PCLO: variants seen among roughly 807,000 people sequenced by gnomAD.
The protein encoded by PCLO is piccolo presynaptic cytomatrix protein.
A neutral mutation model predicts 427.5 loss-of-function variants in PCLO; 82 were observed. The ratio of observed to expected loss-of-function variants is 0.19; its 90% CI spans 0.16 to 0.23. The LOEUF (loss-of-function observed/expected upper bound fraction) is 0.23, where lower values mean the gene tolerates loss of function less well. PCLO is among the 10% of genes least tolerant of loss of function. PCLO has a pLI of 1.00. For synonymous variants in PCLO, 2,357 were observed against 2,155.4 expected, an observed-to-expected ratio of 1.09 and a Z score of -2.59; for missense variants, 6,239 against 6,115.9, an observed-to-expected ratio of 1.02 and a Z score of -0.67.
Position 82,755,228 on chromosome 7 carries a change from T to G in PCLO, c.*3347A>C, listed in dbSNP as rs569285138. ...GTGTGATCCACAAAATTAATTCCAC[T>G]GGTATGCTGAAAATATGCGTTTAAT... On this transcript the variant is annotated 3_prime_UTR_variant, in exon 25 of 25. Coordinates refer to ENST00000333891, the MANE Select transcript of PCLO (RefSeq NM_033026.6). 6.6e-6 allele frequency: 1 copy of G among 152,240 alleles called. No homozygotes were observed. Among genetic ancestry groups the G allele is most frequent in the South Asian group, 2.1e-4 (1 of 4,822 alleles). 9.4% of individuals were successfully genotyped at this position (152,240 alleles called of 1,614,324 possible).
intron 4 of PCLO, among the ~76,000 whole-genome samples, chr7:82,960,944 G>A (rs1000731645): frequency 6.6e-6 from 1 of 152,120 alleles, no homozygotes; most frequent in Non-Finnish European, 1.5e-5. Context: ...TGTGCAGTGG[G>A]TGAGGGCACA....
chr7:82,805,600 A>G (rs918414536), intron 21 of PCLO, 88 bp downstream of exon 21: 2 of 1,273,050 alleles, frequency 1.6e-6, no homozygotes, highest in Admixed American at 2.1e-5. Context: ...GAATTGGGTA[A>G]TTATCCAGTT....
At chr7:82,811,030 A>G (rs1791557870) in intron 20 of PCLO, among the ~76,000 whole-genome samples, 1 of 151,714 alleles carries the variant, frequency 6.6e-6, no homozygotes, top group African/African-American at 2.4e-5. Context: ...TTGGTTTTAT[A>G]TCTTTGGTCC....
chr7:82,869,016 A>G lies in PCLO; in HGVS notation c.13654+10321T>C, dbSNP rs957165480. On this transcript the variant is annotated intron_variant, in intron 10 of 24. Transcript: ENST00000333891. ...TTGCTGAAGTTTTAAAAGTATCACGATGGTAATGTATTTCACAATTATGTT... is the reference window on the plus strand; with the variant it reads ...TTGCTGAAGTTTTAAAAGTATCACGGTGGTAATGTATTTCACAATTATGTT... Among the ~76,000 whole-genome samples the G allele has an allele frequency of 2.6e-5, 4 of 152,224 alleles. No homozygotes were observed. In the South Asian group the frequency reaches 8.3e-4, roughly 32 times the overall value.
chr7:82,816,191 A>T (rs1791675353), intron 20 of PCLO, among the ~76,000 whole-genome samples: 1 of 152,194 alleles, frequency 6.6e-6, no homozygotes, highest in African/African-American at 2.4e-5. Flanking sequence ...ATTATGGTTT[A>T]CATGATGTAT....
At chr7:82,794,814 C>T (rs532167638) in intron 22 of PCLO, among the ~76,000 whole-genome samples, 17 of 151,792 alleles carry the variant, frequency 1.1e-4, no homozygotes, top group African/African-American at 4.1e-4. Context: ...TCTTGTTTGT[C>T]CTTTTTTGAG....
intron 9 of PCLO, among the ~76,000 whole-genome samples, chr7:82,882,067 T>G (rs1284173961): frequency 3.9e-5 from 6 of 152,186 alleles, no homozygotes; most frequent in Non-Finnish European, 2.9e-5. Flanking sequence ...TTATAGTAGC[T>G]GCTTCTACCC....
chr7:83,130,904 A>G (rs1371832597), intron 3 of PCLO, among the ~76,000 whole-genome samples: 1 of 152,224 alleles, frequency 6.6e-6, no homozygotes, highest in Admixed American at 6.5e-5. Flanking sequence ...TGACTCCAGG[A>G]CTTCCTGAAA....
At chr7:83,075,134 T>A (rs1256053333) in intron 3 of PCLO, among the ~76,000 whole-genome samples, 1 of 152,126 alleles carries the variant, frequency 6.6e-6, no homozygotes, top group African/African-American at 2.4e-5. Flanking sequence ...ATGTACCGGT[T>A]TGAAAAAGAG....
intron 8 of PCLO, among the ~76,000 whole-genome samples, chr7:82,902,954 A>G (rs1404776627): frequency 2.0e-5 from 3 of 151,992 alleles, no homozygotes; most frequent in Admixed American, 1.3e-4. Context: ...TTTATAACCA[A>G]TTGCTCTTGC....
chr7:82,783,731 A>G (rs1790925046), intron 22 of PCLO, among the ~76,000 whole-genome samples: 1 of 151,834 alleles, frequency 6.6e-6, no homozygotes, highest in Admixed American at 6.5e-5. Flanking sequence ...TTTAGGCATA[A>G]GAGAACATAA....
At chr7:83,070,968 C>G (rs1171877620) in intron 3 of PCLO, among the ~76,000 whole-genome samples, 2 of 151,952 alleles carry the variant, frequency 1.3e-5, no homozygotes, top group African/African-American at 4.8e-5. Context: ...ATGTAAGTAT[C>G]ATTATTGCTG....
intron 10 of PCLO, among the ~76,000 whole-genome samples, chr7:82,862,223 G>A (rs1792975429): frequency 6.6e-6 from 1 of 151,874 alleles, no homozygotes. Context: ...GATCATCAGA[G>A]AAATGAAAAT....
At chr7:82,846,485 C>T (rs1792505511) in intron 12 of PCLO, 82 bp downstream of exon 12, 3 of 821,108 alleles carry the variant, frequency 3.7e-6, no homozygotes, top group Admixed American at 2.4e-5. Context: ...TCTACATCTT[C>T]ATCTACAATT....
chr7:82,959,269 T>G (rs938544969), intron 4 of PCLO, among the ~76,000 whole-genome samples: 1 of 152,158 alleles, frequency 6.6e-6, no homozygotes, highest in African/African-American at 2.4e-5. Flanking sequence ...TTTCACCATG[T>G]TGGTTAGGCT....
chr7:82,971,721 A>T (rs1048567872), intron 3 of PCLO, among the ~76,000 whole-genome samples: 2 of 148,712 alleles, frequency 1.3e-5, no homozygotes, highest in Non-Finnish European at 3.0e-5. Flanking sequence ...GGAAAAAGCC[A>T]CAATTACTTT....
At chr7:83,003,701 G>T (rs10256187) in intron 3 of PCLO, among the ~76,000 whole-genome samples, 94,819 of 150,940 alleles carry the variant, frequency 0.63, 31,269 homozygotes, top group East Asian at 0.86. Flanking sequence ...TCCCCCTTAA[G>T]TATGCTGCTT....
At chr7:82,919,708 A>G (rs1434371445) in intron 6 of PCLO, among the ~76,000 whole-genome samples, 4 of 151,896 alleles carry the variant, frequency 2.6e-5, no homozygotes, top group Admixed American at 1.3e-4. Flanking sequence ...CAAGAGCCCT[A>G]AAGAAAAACT....
chr7:82,979,374 CATTTT>C (rs1306440568), intron 3 of PCLO, among the ~76,000 whole-genome samples: 1 of 152,086 alleles, frequency 6.6e-6, no homozygotes, highest in Admixed American at 6.6e-5. Context: ...CATATGGATG[CATTTT>C]ATTTAATGAT....
Sources: allele counts gnomAD v4.1 joint callset (sites outside exome capture counted in the v4.1 genomes callset), GRCh38; gene constraint gnomAD v4.1.1; transcripts MANE v1.5; gene names NCBI Gene and HGNC (gene_info 2026-07-23, HGNC 2026-07-21).